GAK: variants seen among roughly 807,000 people sequenced by gnomAD.
The protein encoded by GAK is cyclin G associated kinase.
GAK carries 79 observed loss-of-function variants against 143.9 expected under a neutral mutation model. The ratio of observed to expected loss-of-function variants is 0.55; its 90% CI spans 0.46 to 0.66. GAK has a LOEUF of 0.66. GAK is among the 30% of genes least tolerant of loss of function. The probability of loss-of-function intolerance (pLI) is 0.00; values close to 1 mark genes in which losing one functional copy is unlikely to be tolerated. For missense variants in GAK, 1,693 were observed against 1,779.7 expected, an observed-to-expected ratio of 0.95 and a Z score of 0.88; for synonymous variants, 881 against 765.5, an observed-to-expected ratio of 1.15 and a Z score of -2.49.
chr4:901,993 TG>T (rs1183910985), intron 5 of GAK, among the ~76,000 whole-genome samples: 2 of 152,148 alleles, frequency 1.3e-5, no homozygotes, highest in African/African-American at 4.8e-5. Flanking sequence ...ATCCCAGCAC[TG>T]TGGGAGGCCA....
intron 1 of GAK, among the ~76,000 whole-genome samples, chr4:923,383 C>T (rs879868412): frequency 2.6e-5 from 4 of 152,158 alleles, no homozygotes; most frequent in African/African-American, 4.8e-5. Context: ...AAGGAACAGG[C>T]ACAGGCCAGG....
chr4:892,143 G>T (rs1717794745), intron 9 of GAK, among the ~76,000 whole-genome samples: 1 of 152,148 alleles, frequency 6.6e-6, no homozygotes, highest in Admixed American at 6.5e-5. Context: ...CTCAGACAGG[G>T]ACTCCGGGCA....
chr4:910,786 C>A (rs1721916445), intron 4 of GAK, among the ~76,000 whole-genome samples: 2 of 152,110 alleles, frequency 1.3e-5, no homozygotes, highest in African/African-American at 4.8e-5. Flanking sequence ...GTGTCACCAC[C>A]CCCTCACCGG....
chr4:916,652 C>T (rs184775962), intron 1 of GAK, among the ~76,000 whole-genome samples: 6 of 152,308 alleles, frequency 3.9e-5, no homozygotes, highest in African/African-American at 1.4e-4. Flanking sequence ...AGATAGGACC[C>T]CATACCTAGC....
Position 849,641 on chromosome 4 carries a change from G to T in GAK, c.*32C>A, listed in dbSNP as rs200834342. ...GTCCCACGACGGCTCCCAACCTGTG[G>T]AGCTGTGTGCGCAGCCACCACCACT... On this transcript the variant is annotated 3_prime_UTR_variant, in exon 28 of 28. Coordinates refer to ENST00000314167, the MANE Select transcript of GAK (RefSeq NM_005255.4). 190 of 1,552,686 alleles carry T rather than the reference G, an allele frequency of 1.2e-4. No individual in the cohort carries two copies. Among genetic ancestry groups the T allele is most frequent in the Non-Finnish European group, 1.6e-4 (185 of 1,129,970 alleles).
chr4:854,018 G>C lies in GAK; in HGVS notation c.3284-2044C>G, dbSNP rs112677741. Among the ~76,000 whole-genome samples the C allele has an allele frequency of 2.8e-3, 423 of 151,824 alleles. 3 individuals are homozygous for C. Among genetic ancestry groups the C allele is most frequent in the African/African-American group, 9.9e-3 (410 of 41,426 alleles). On this transcript the variant is annotated intron_variant, in intron 24 of 27. Coordinates refer to ENST00000314167, the MANE Select transcript of GAK (RefSeq NM_005255.4). The stretch of plus-strand genomic sequence containing the variant: ...TCTCCATGTTGGTCAGGCTGGTCGC[G>C]AACTCCCGACCTCAGGTGATCCGCC...
chr4:876,323 C>CG (rs891439046), intron 18 of GAK, among the ~76,000 whole-genome samples: 1 of 151,738 alleles, frequency 6.6e-6, no homozygotes, highest in Non-Finnish European at 1.5e-5. Flanking sequence ...CACACACCAA[C>CG]GGGGGGGCAG....
intron 15 of GAK, among the ~76,000 whole-genome samples, chr4:878,687 C>T (rs1342567939): frequency 6.6e-6 from 1 of 152,188 alleles, no homozygotes; most frequent in African/African-American, 2.4e-5. Flanking sequence ...TCAATTTGAT[C>T]AGTTTTTGCC....
chr4:904,456 G>A (rs937127402), intron 5 of GAK, among the ~76,000 whole-genome samples, 181 bp downstream of exon 5: 2 of 150,830 alleles, frequency 1.3e-5, no homozygotes, highest in African/African-American at 4.9e-5. Context: ...GCACACAGAG[G>A]CCTCAGCAGC....
chr4:913,185 T>C (rs559870436), intron 2 of GAK, among the ~76,000 whole-genome samples: 6 of 152,338 alleles, frequency 3.9e-5, no homozygotes, highest in Non-Finnish European at 7.3e-5. Flanking sequence ...TGACAGCAAA[T>C]GGGGCCTTCT....
At chr4:880,621 T>C (rs1053799167) in intron 15 of GAK, among the ~76,000 whole-genome samples, 1 of 151,584 alleles carries the variant, frequency 6.6e-6, no homozygotes, top group African/African-American at 2.4e-5. Context: ...CCTCCACCGG[T>C]TGGACTCTTT....
chr4:889,785 C>T (rs1284304701), intron 10 of GAK, among the ~76,000 whole-genome samples: 5 of 152,336 alleles, frequency 3.3e-5, no homozygotes, highest in Non-Finnish European at 5.9e-5. Context: ...ATGTCCTCGA[C>T]GGCTCACCCG....
intron 9 of GAK, among the ~76,000 whole-genome samples, chr4:893,031 A>G (rs1717976585): frequency 6.6e-6 from 1 of 152,146 alleles, no homozygotes; most frequent in Non-Finnish European, 1.5e-5. Context: ...CGGACGAAGC[A>G]GCACAGCCAC....
chr4:915,096 C>T (rs1437541590), intron 1 of GAK, among the ~76,000 whole-genome samples: 8 of 146,654 alleles, frequency 5.5e-5, no homozygotes, highest in Non-Finnish European at 1.2e-4. Context: ...ACACACAGCC[C>T]CAGCGTACAC....
intron 1 of GAK, among the ~76,000 whole-genome samples, chr4:927,270 C>G (rs74939057): frequency 1.2e-4 from 4 of 33,848 alleles, no homozygotes; most frequent in African/African-American, 3.3e-4. Flanking sequence ...CTCACCTGCG[C>G]TCCGCACTGC....
At chr4:857,889 G>A (rs920054779) in intron 24 of GAK, among the ~76,000 whole-genome samples, 2 of 152,180 alleles carry the variant, frequency 1.3e-5, no homozygotes, top group African/African-American at 4.8e-5. Context: ...AAGCCCCCAC[G>A]GCTGCGGGTG....
chr4:884,000 C>A (rs751710888), intron 12 of GAK, 37 bp downstream of exon 12: 17 of 1,597,412 alleles, frequency 1.1e-5, no homozygotes, highest in Non-Finnish European at 1.4e-5. Flanking sequence ...CAGGGAAGGG[C>A]CGGGGCGCGT....
At position 867,005 on chromosome 4, in the gene GAK, G is replaced by C. The variant is rs763384884; in HGVS notation, c.2823C>G (p.Ala941=). The C allele has an allele frequency of 2.7e-6, 4 of 1,500,568 alleles. No homozygotes were observed. Among genetic ancestry groups the C allele is most frequent in the Non-Finnish European group, 3.6e-6 (4 of 1,125,348 alleles). The allele number at this position is 1,500,568 out of a possible 1,614,324, so 93.0% of individuals were successfully genotyped here. The change falls in exon 21 of 28, where the codon GCC becomes GCG. Residue 941 remains alanine, a synonymous_variant. Transcript: ENST00000314167. ...GGGTGCTCTGCACGCTCAGGGGAGG[G>C]GCCGGGCTTGCCAGGAGCAGCGGGT... is the stretch of plus-strand genomic sequence containing the variant. ...SEDPLLLASP[A]PPLSVQSTPR...
Position 851,081 on chromosome 4 carries a change from T to G in GAK, c.3512A>C (p.Gln1171Pro). The change falls in exon 26 of 28, where the codon CAA becomes CCA. Residue 1171 changes from glutamine to proline, a missense_variant. By Grantham distance (76) the Gln-to-Pro change is moderately conservative. This residue lies in a region of GAK where 822 missense variants were observed against 788.7 expected (regional missense o/e 1.04). Transcript: ENST00000314167. ...ERGVRAPSFA[Q>P]KPKVSENDFE... is the part of the protein sequence containing the mutation. Reference sequence around the variant, plus strand: ...GTCGTTCTCAGAGACTTTTGGCTTTTGAGCTAGAAAAGAACAGAAACTTTT... The same window carrying G: ...GTCGTTCTCAGAGACTTTTGGCTTTGGAGCTAGAAAAGAACAGAAACTTTT... The G allele has an allele frequency of 6.2e-7, 1 of 1,613,244 alleles. No individual in the cohort carries two copies. The highest frequency in any genetic ancestry group is 8.5e-7 in the Non-Finnish European group (1 of 1,179,570).
Sources: gnomAD v4.1 joint callset for allele counts (sites outside exome capture counted in the v4.1 genomes callset) on GRCh38, gnomAD v4.1.1 for gene constraint, gnomAD v4.1.1 regional missense constraint, MANE v1.5 for transcripts, NCBI Gene and HGNC (gene_info 2026-07-23, HGNC 2026-07-21) for gene names.